The following PKIB variants were observed in gnomAD, a reference collection of about 807,000 sequenced individuals.
The protein encoded by PKIB is PKI-beta.
A neutral mutation model predicts 4.5 loss-of-function variants in PKIB; 2 were observed. That is an observed-to-expected ratio of 0.44 (90% confidence interval 0.18 to 1.39). PKIB has a LOEUF of 1.39. Among genes scored for constraint, PKIB ranks in the 40% most tolerant of loss-of-function variants. PKIB has a pLI of 0.27. For synonymous variants in PKIB, 38 were observed against 36.0 expected (o/e 1.06, Z -0.20); for missense variants, 94 against 92.6 (o/e 1.02, Z -0.06).
chr6:122,574,264 G>A (rs1290863193), intron 2 of PKIB, among the ~76,000 whole-genome samples: 1 of 152,146 alleles, frequency 6.6e-6, no homozygotes, highest in Non-Finnish European at 1.5e-5. Flanking sequence ...AATCATAGAT[G>A]ACACAAACAA....
chr6:122,647,230 A>G (rs1776357169), intron 2 of PKIB, among the ~76,000 whole-genome samples: 1 of 152,202 alleles, frequency 6.6e-6, no homozygotes. Flanking sequence ...TCTGCTGTTA[A>G]GCCCTTTCAG....
At chr6:122,509,640 C>T (rs776158371) in intron 2 of PKIB, among the ~76,000 whole-genome samples, 3 of 151,806 alleles carry the variant, frequency 2.0e-5, no homozygotes, top group Admixed American at 2.0e-4. Context: ...ACCATGTTAG[C>T]CAGGATGGTG....
At chr6:122,702,117 A>G (rs1047870832) in intron 3 of PKIB, among the ~76,000 whole-genome samples, 4 of 151,854 alleles carry the variant, frequency 2.6e-5, no homozygotes, top group Admixed American at 1.3e-4. Context: ...CGGGGGAAAG[A>G]CTCTCTTAAT....
Position 122,487,653 on chromosome 6 carries a change from T to C in PKIB, c.-248+9714T>C, listed in dbSNP as rs573622874. ...ATCAGCTGACTCCATGGGGAAGCTC[T>C]GGATGACCCTTTAGTCTTGACTGGA... On this transcript the variant is annotated intron_variant, in intron 2 of 6. Transcript: ENST00000392491. Among the ~76,000 whole-genome samples the C allele has an allele frequency of 4.6e-5, 7 of 152,358 alleles. No homozygotes were observed. The East Asian group carries it at 1.2e-3, about 25-fold the overall frequency.
chr6:122,666,755 A>G (rs895194360), intron 2 of PKIB, among the ~76,000 whole-genome samples: 2 of 152,238 alleles, frequency 1.3e-5, no homozygotes, highest in Non-Finnish European at 2.9e-5. Context: ...CCTCTAAAGT[A>G]TAATTCATCA....
chr6:122,558,870 C>T (rs1396176250), intron 2 of PKIB, among the ~76,000 whole-genome samples: 1 of 152,140 alleles, frequency 6.6e-6, no homozygotes, highest in African/African-American at 2.4e-5. Context: ...ATACATTGCA[C>T]CATATTTGTA....
At chr6:122,515,790 A>AC (rs1202536583) in intron 2 of PKIB, among the ~76,000 whole-genome samples, 1 of 152,136 alleles carries the variant, frequency 6.6e-6, no homozygotes, top group East Asian at 1.9e-4. Flanking sequence ...ATCTTGGTTC[A>AC]CTGCAACCTG....
intron 2 of PKIB, among the ~76,000 whole-genome samples, chr6:122,497,727 C>G (rs1023265373): frequency 5.9e-5 from 9 of 152,128 alleles, no homozygotes; most frequent in African/African-American, 2.2e-4. Context: ...TAAGTACTTC[C>G]AGACCTATGA....
At chr6:122,705,718 A>C (rs1379366886) in intron 3 of PKIB, among the ~76,000 whole-genome samples, 1 of 151,918 alleles carries the variant, frequency 6.6e-6, no homozygotes, top group Non-Finnish European at 1.5e-5. Flanking sequence ...GGCACATGCC[A>C]CCACGCCCAG....
intron 2 of PKIB, among the ~76,000 whole-genome samples, chr6:122,583,614 G>A (rs1041226600): frequency 4.6e-5 from 7 of 151,898 alleles, no homozygotes; most frequent in Non-Finnish European, 8.8e-5. Context: ...CACTGAATAC[G>A]CACATATACA....
intron 3 of PKIB, among the ~76,000 whole-genome samples, chr6:122,691,400 G>A (rs1582816032): frequency 6.6e-6 from 1 of 151,838 alleles, no homozygotes; most frequent in South Asian, 2.1e-4. Flanking sequence ...TGTCTGCTCT[G>A]ACTGTATTTT....
At chr6:122,710,803 G>C (rs957573376) in intron 3 of PKIB, among the ~76,000 whole-genome samples, 1 of 152,088 alleles carries the variant, frequency 6.6e-6, no homozygotes, top group Admixed American at 6.6e-5. Flanking sequence ...TTTTTGAATT[G>C]AACCCTAACT....
chr6:122,496,344 C>T (rs1776075969), intron 2 of PKIB, among the ~76,000 whole-genome samples: 1 of 152,164 alleles, frequency 6.6e-6, no homozygotes, highest in East Asian at 1.9e-4. Flanking sequence ...AATGTTGCAA[C>T]ACCACCAAAG....
chr6:122,523,554 A>G (rs1393742518), intron 2 of PKIB, among the ~76,000 whole-genome samples: 1 of 152,146 alleles, frequency 6.6e-6, no homozygotes, highest in Non-Finnish European at 1.5e-5. Context: ...AGGCTGAGGC[A>G]GGTGGCTCAC....
At chr6:122,548,094 C>T (rs897548074) in intron 2 of PKIB, among the ~76,000 whole-genome samples, 2 of 152,156 alleles carry the variant, frequency 1.3e-5, no homozygotes, top group Non-Finnish European at 2.9e-5. Flanking sequence ...TTTGATTCAC[C>T]GGTTTGGCAC....
At chr6:122,559,332 GC>G (rs1306254488) in intron 2 of PKIB, among the ~76,000 whole-genome samples, 1 of 151,692 alleles carries the variant, frequency 6.6e-6, no homozygotes, top group Non-Finnish European at 1.5e-5. Flanking sequence ...GTTTTTGTCT[GC>G]TTTGTCAAAG....
At chr6:122,543,098 T>A (rs1401742570) in intron 2 of PKIB, among the ~76,000 whole-genome samples, 2 of 152,070 alleles carry the variant, frequency 1.3e-5, no homozygotes, top group Non-Finnish European at 2.9e-5. Context: ...GTGACCTGAT[T>A]TTCCAGGTGC....
Position 122,630,156 on chromosome 6 carries a change from A to G in PKIB, c.-160-3127A>G, listed in dbSNP as rs554579378. On this transcript the variant is annotated intron_variant, in intron 1 of 4. Coordinates refer to ENST00000368452, the MANE Select transcript of PKIB (RefSeq NM_181795.3). The stretch of plus-strand genomic sequence containing the variant: ...TAAAAAGAAATACTATTATCATAGG[A>G]CCTAGCAATTCCACTTCTGTGTATA... 1.5e-4 allele frequency among the ~76,000 whole-genome samples: 23 copies of G among 152,262 alleles called. No homozygotes were observed. The East Asian group carries it at 4.2e-3, about 28-fold the overall frequency.
Position 122,645,776 on chromosome 6 carries a change from T to C in PKIB, c.-76+12409T>C, listed in dbSNP as rs565022907. On this transcript the variant is annotated intron_variant, in intron 2 of 4. Coordinates refer to ENST00000368452, the MANE Select transcript of PKIB (RefSeq NM_181795.3). ...GTGACATCCTCAGGTTTGGGGGTTA[T>C]GTGGATTGGAAGGATACTGGAGCTG... Among the ~76,000 whole-genome samples, 63 of 152,258 alleles carry C rather than the reference T, an allele frequency of 4.1e-4. 1 individual carries two copies. In the South Asian group the frequency reaches 0.011, roughly 26 times the overall value.
Sources: gnomAD v4.1 joint callset for allele counts (sites outside exome capture counted in the v4.1 genomes callset) on GRCh38, gnomAD v4.1.1 for gene constraint, MANE v1.5 for transcripts, NCBI Gene and HGNC (gene_info 2026-07-23, HGNC 2026-07-21) for gene names.